Variants in STS observed in about 807,000 individuals in gnomAD.
The protein encoded by STS is steryl-sulfatase.
A neutral mutation model predicts 26.8 loss-of-function variants in STS; 7 were observed. The observed-to-expected ratio is 0.26, with a 90% CI of 0.15 to 0.49. The LOEUF is 0.49. STS is among the 20% of genes least tolerant of loss of function. The probability of loss-of-function intolerance (pLI) is 0.98; values close to 1 mark genes in which losing one functional copy is unlikely to be tolerated. For synonymous variants in STS, 199 were observed against 189.4 expected (o/e 1.05, Z -0.42); for missense variants, 434 against 465.6 (o/e 0.93, Z 0.63).
At chrX:7,280,526 T>C (rs2147112590) in intron 7 of STS, among the ~76,000 whole-genome samples, 1 of 112,196 alleles carries the variant, frequency 8.9e-6, no homozygotes, top group South Asian at 3.8e-4. Context: ...AAAATCTCAT[T>C]GTTCTCCAGT....
At chrX:7,204,734 C>G (rs1185022631) in intron 2 of STS, among the ~76,000 whole-genome samples, 6 of 101,801 alleles carry the variant, frequency 5.9e-5, no homozygotes, top group Non-Finnish European at 1.2e-4. Context: ...TCCTTCCTTC[C>G]CTTCTTTCTT....
intron 8 of STS, among the ~76,000 whole-genome samples, chrX:7,311,945 T>G (rs1284881398): frequency 8.9e-6 from 1 of 111,820 alleles, no homozygotes; most frequent in Non-Finnish European, 1.9e-5. Flanking sequence ...GAGGATCGCT[T>G]GAGCCCAGGA....
chrX:7,315,677 T>G (rs992001216), intron 8 of STS, among the ~76,000 whole-genome samples: 1 of 111,243 alleles, frequency 9.0e-6, no homozygotes, highest in African/African-American at 3.3e-5. Flanking sequence ...AGCCCAGGAA[T>G]CCAAAACCTG....
intron 2 of STS, among the ~76,000 whole-genome samples, chrX:7,227,097 G>A (rs371397853): frequency 9.0e-6 from 1 of 111,461 alleles, no homozygotes; most frequent in Non-Finnish European, 1.9e-5. Flanking sequence ...ATATCTTCTT[G>A]TATAAAGTGC....
At chrX:7,217,199 G>A (rs1430861638) in intron 2 of STS, among the ~76,000 whole-genome samples, 1 of 111,252 alleles carries the variant, frequency 9.0e-6, no homozygotes, top group Non-Finnish European at 1.9e-5. Context: ...GGAGGCTGAG[G>A]AGCCTGATCC....
At chrX:7,166,059 G>T (rs1285982038) in intron 1 of STS, among the ~76,000 whole-genome samples, 1 of 102,738 alleles carries the variant, frequency 9.7e-6, no homozygotes, top group African/African-American at 3.6e-5. Flanking sequence ...CCAGGCTGTA[G>T]TGCAGTGGCG....
intron 6 of STS, among the ~76,000 whole-genome samples, chrX:7,262,311 A>G (rs1166034296): frequency 1.8e-5 from 2 of 111,503 alleles, no homozygotes; most frequent in Non-Finnish European, 3.8e-5. Context: ...TGTCATCTCA[A>G]TAGATGGCCT....
At chrX:7,228,101 T>A (rs1296539413) in intron 2 of STS, among the ~76,000 whole-genome samples, 1 of 111,901 alleles carries the variant, frequency 8.9e-6, no homozygotes, top group Non-Finnish European at 1.9e-5. Context: ...CCATGTTTTT[T>A]TTTGTTTTTA....
intron 2 of STS, among the ~76,000 whole-genome samples, chrX:7,206,001 T>C (rs745858764): frequency 3.4e-4 from 38 of 111,088 alleles, no homozygotes; most frequent in African/African-American, 1.1e-3. Context: ...GATTTGATTG[T>C]ATGTAACCCA....
intron 7 of STS, among the ~76,000 whole-genome samples, chrX:7,300,448 T>C (rs1475399465): frequency 8.9e-6 from 1 of 111,993 alleles, no homozygotes; most frequent in Non-Finnish European, 1.9e-5. Context: ...TACAGCAGCA[T>C]TTGTTCTCAT....
chrX:7,324,920 T>C (rs1927325234), intron 8 of STS, among the ~76,000 whole-genome samples: 1 of 111,586 alleles, frequency 9.0e-6, no homozygotes, highest in Non-Finnish European at 1.9e-5. Context: ...TAAGGCAAAA[T>C]ACCCATTTCC....
intron 2 of STS, among the ~76,000 whole-genome samples, chrX:7,239,472 G>A (rs1404909122): frequency 1.8e-5 from 2 of 111,950 alleles, no homozygotes; most frequent in Admixed American, 9.5e-5. Flanking sequence ...TTTCTGTTAC[G>A]TAAGCACATT....
intron 8 of STS, among the ~76,000 whole-genome samples, chrX:7,317,204 C>T (rs1189864676): frequency 1.8e-5 from 2 of 111,531 alleles, no homozygotes; most frequent in Non-Finnish European, 3.8e-5. Flanking sequence ...TGGACAATTA[C>T]TCTACAAAAA....
chrX:7,257,801 ATGTGTGTG>A (rs751759238), intron 5 of STS, among the ~76,000 whole-genome samples: 9 of 97,394 alleles, frequency 9.2e-5, no homozygotes, highest in African/African-American at 3.3e-4. Context: ...AAATGTATAG[ATGTGTGTG>A]TGTGTGTGTG....
Position 7,303,382 on chromosome X carries a change from A to T in STS, c.944-1664A>T, listed in dbSNP as rs1436031620. On this transcript the variant is annotated intron_variant, in intron 7 of 10. Coordinates refer to ENST00000674429, the MANE Select transcript of STS (RefSeq NM_001320752.2). The stretch of plus-strand genomic sequence containing the variant: ...GCAGGTTACTAAACCAGTACAAAAA[A>T]TAGCTTGAGAGAGCTCGGAAAAGAA... 1.8e-4 allele frequency among the ~76,000 whole-genome samples: 20 copies of T among 111,289 alleles called. 1 individual carries two copies.
chrX:7,227,160 T>A (rs1482764025), intron 2 of STS, among the ~76,000 whole-genome samples: 2 of 112,158 alleles, frequency 1.8e-5, no homozygotes, highest in East Asian at 5.6e-4. Flanking sequence ...TATTATTGAT[T>A]TGTTCTTTAC....
At chrX:7,309,088 A>G (rs1005296927) in intron 8 of STS, among the ~76,000 whole-genome samples, 5 of 111,329 alleles carry the variant, frequency 4.5e-5, no homozygotes, top group Non-Finnish European at 1.9e-5. Context: ...CGGTATTTGA[A>G]CTTAATGATT....
At chrX:7,246,191 G>A (rs1219283816) in intron 2 of STS, among the ~76,000 whole-genome samples, 10 of 110,954 alleles carry the variant, frequency 9.0e-5, no homozygotes, top group African/African-American at 2.9e-4. Context: ...AAAAAAACCC[G>A]TTCACAAGAT....
At position 7,276,950 on chromosome X, in the gene STS, T is replaced by A. The variant is rs190977956; in HGVS notation, c.943+863T>A. 1.4e-4 allele frequency among the ~76,000 whole-genome samples: 16 copies of A among 112,154 alleles called. No homozygotes were observed. In the East Asian group the frequency reaches 4.5e-3, roughly 32 times the overall value. On this transcript the variant is annotated intron_variant, in intron 7 of 10. Transcript: ENST00000674429. The stretch of plus-strand genomic sequence containing the variant: ...TCATCCCTATGCTTTTATTTTGTCT[T>A]GCAGAGCTCAGAGATCCCAGGATGG...
Sources: gnomAD v4.1 joint callset for allele counts (sites outside exome capture counted in the v4.1 genomes callset) on GRCh38, gnomAD v4.1.1 for gene constraint, MANE v1.5 for transcripts, NCBI Gene and HGNC (gene_info 2026-07-23, HGNC 2026-07-21) for gene names.